The following KLC1 variants were observed in gnomAD, a reference collection of about 807,000 sequenced individuals.
KLC1 encodes kinesin light chain 1.
In KLC1, 30 loss-of-function variants were observed where a neutral mutation model predicts 84.2. The observed-to-expected ratio is 0.36, with a 90% CI of 0.27 to 0.48. The LOEUF (loss-of-function observed/expected upper bound fraction) is 0.48, where lower values mean the gene tolerates loss of function less well. Ranked by LOEUF, KLC1 falls within the 20% of genes least tolerant of loss-of-function variation. The probability of loss-of-function intolerance (pLI) is 0.99; values close to 1 mark genes in which losing one functional copy is unlikely to be tolerated. For synonymous variants in KLC1, 289 were observed against 293.3 expected (o/e 0.99, Z 0.15); for missense variants, 499 against 805.4 (o/e 0.62, Z 4.60).
At chr14:103,642,311 T>C (rs917318542) in intron 1 of KLC1, among the ~76,000 whole-genome samples, 2 of 152,088 alleles carry the variant, frequency 1.3e-5, no homozygotes, top group African/African-American at 4.8e-5. Context: ...CCCCACCTCC[T>C]AAAAGCATTA....
intron 13 of KLC1, 72 bp downstream of exon 13, chr14:103,679,617 G>A: frequency 8.7e-7 from 1 of 1,148,864 alleles, no homozygotes; most frequent in Non-Finnish European, 1.3e-6. Flanking sequence ...CCTTCCTCCT[G>A]TCTCATGTGC....
intron 6 of KLC1, among the ~76,000 whole-genome samples, 156 bp from the exon 7 acceptor site, chr14:103,670,026 G>T (rs933152953): frequency 3.9e-5 from 6 of 152,126 alleles, no homozygotes; most frequent in Admixed American, 6.6e-5. Context: ...CTATACTCTA[G>T]TGAATTGCGC....
Position 103,694,185 on chromosome 14 carries a change from C to T in KLC1, c.1848+1760C>T. 1.0e-6 allele frequency: 1 copy of T among 985,842 alleles called. No individual in the cohort carries two copies. Among genetic ancestry groups the T allele is most frequent in the Non-Finnish European group, 1.2e-6 (1 of 830,250 alleles). 61.1% of individuals were successfully genotyped at this position (985,842 alleles called of 1,614,324 possible). A position where few individuals can be genotyped will look rare whatever the true frequency, so the allele number is the denominator to read the frequency against. On this transcript the variant is annotated intron_variant, in intron 15 of 16. Transcript: ENST00000334553. This position sits in a 1 kb window ranked among gnomAD's most constrained non-coding sequence, Gnocchi z 4.5. ...ATGCCTGTGGCCCTGGGGCCCCATGCCCCCTTTTGAGCTGTGTTCTCCCGG... is the reference window on the plus strand; with the variant it reads ...ATGCCTGTGGCCCTGGGGCCCCATGTCCCCTTTTGAGCTGTGTTCTCCCGG...
At chr14:103,658,753 G>A (rs896772940) in intron 3 of KLC1, among the ~76,000 whole-genome samples, 1 of 150,474 alleles carries the variant, frequency 6.6e-6, no homozygotes, top group East Asian at 2.0e-4. Context: ...CACCTCCCGG[G>A]CTCCAGCGAT....
intron 5 of KLC1, among the ~76,000 whole-genome samples, chr14:103,668,189 A>T (rs1260100549): frequency 6.6e-6 from 1 of 152,252 alleles, no homozygotes; most frequent in Non-Finnish European, 1.5e-5. Context: ...AAAGCCATGT[A>T]GCCATTAACT....
chr14:103,665,442 G>A (rs2079690223), intron 5 of KLC1, among the ~76,000 whole-genome samples: 1 of 151,956 alleles, frequency 6.6e-6, no homozygotes, highest in South Asian at 2.1e-4. Flanking sequence ...GTCCTGTCCT[G>A]TCTTGTGTCT....
chr14:103,660,615 C>T (rs897639909), intron 3 of KLC1, among the ~76,000 whole-genome samples: 3 of 151,934 alleles, frequency 2.0e-5, no homozygotes, highest in East Asian at 1.9e-4. Flanking sequence ...ATAGCAAAAC[C>T]CCTTCTCTAT....
intron 1 of KLC1, among the ~76,000 whole-genome samples, chr14:103,633,260 C>T (rs1163620010): frequency 6.6e-6 from 1 of 151,954 alleles, no homozygotes; most frequent in Admixed American, 6.6e-5. Context: ...GGTTTCACCA[C>T]GTTAGCCAGG....
chr14:103,678,855 A>T (rs1236082929), intron 12 of KLC1, among the ~76,000 whole-genome samples: 1 of 152,362 alleles, frequency 6.6e-6, no homozygotes, highest in South Asian at 2.1e-4. Context: ...TGATATACAG[A>T]TAGCCAACAA....
chr14:103,637,917 C>G (rs2077173261), intron 1 of KLC1, among the ~76,000 whole-genome samples: 1 of 152,118 alleles, frequency 6.6e-6, no homozygotes, highest in South Asian at 2.1e-4. Flanking sequence ...TCTTTAACTT[C>G]TGGGCTCAAA....
intron 1 of KLC1, among the ~76,000 whole-genome samples, chr14:103,631,746 C>CA (rs1052300958): frequency 1.3e-5 from 2 of 151,970 alleles, no homozygotes; most frequent in African/African-American, 2.4e-5. Context: ...TACAGGTGCC[C>CA]ACTACCACAC....
intron 1 of KLC1, among the ~76,000 whole-genome samples, chr14:103,630,912 A>G (rs1259899427): frequency 1.3e-5 from 2 of 152,136 alleles, no homozygotes; most frequent in Non-Finnish European, 2.9e-5. Context: ...CCCAGGTGGT[A>G]ACCTCTAACC....
chr14:103,687,233 C>T, intron 14 of KLC1, 22 bp downstream of exon 14: 3 of 1,524,194 alleles, frequency 2.0e-6, no homozygotes, highest in Non-Finnish European at 2.7e-6. Context: ...TTCCAGCTCT[C>T]CCGACTCCCT....
At position 103,693,949 on chromosome 14, in the gene KLC1, C is replaced by G; in HGVS notation, c.1848+1524C>G. On this transcript the variant is annotated intron_variant, in intron 15 of 16. Transcript: ENST00000334553. This position sits in a 1 kb window ranked among gnomAD's most constrained non-coding sequence, Gnocchi z 5.1. ...TGCTGTTGCATTTCCTGCCTGCCAC[C>G]TTTTTGCCATGACACCAGACTCTCT... The G allele has an allele frequency of 8.3e-6, 10 of 1,209,016 alleles. No individual in the cohort carries two copies. Among genetic ancestry groups the G allele is most frequent in the Non-Finnish European group, 1.0e-5 (10 of 968,878 alleles). 74.9% of individuals were successfully genotyped at this position (1,209,016 alleles called of 1,614,324 possible).
At chr14:103,679,710 T>C in intron 13 of KLC1, 165 bp downstream of exon 13, 1 of 568,660 alleles carries the variant, frequency 1.8e-6, no homozygotes, top group Non-Finnish European at 3.1e-6. Context: ...AGTCTGTTAT[T>C]TGTTTAAAGT....
intron 3 of KLC1, among the ~76,000 whole-genome samples, chr14:103,658,823 A>G (rs1231382423): frequency 1.3e-5 from 2 of 149,402 alleles, no homozygotes; most frequent in African/African-American, 4.9e-5. Flanking sequence ...ACGCCTGGCC[A>G]ATTTTTTGTA....
At chr14:103,696,140 T>A in intron 15 of KLC1, 1 of 935,606 alleles carries the variant, frequency 1.1e-6, no homozygotes. Context: ...GCAGCGCCCG[T>A]CCCCAGCAAC....
At position 103,700,648 on chromosome 14, in the gene KLC1, T is replaced by A; in HGVS notation, c.1849-7T>A. 1.2e-6 allele frequency: 2 copies of A among 1,605,688 alleles called. No individual in the cohort carries two copies. The highest frequency in any genetic ancestry group is 1.7e-6 in the Non-Finnish European group (2 of 1,176,952). On this transcript the variant is annotated splice_region_variant and splice_polypyrimidine_tract_variant and intron_variant, in intron 15 of 16. Transcript: ENST00000334553. ...CTGAGTGAAACTCGTCTGTGCTTCA[T>A]CTCCAGGGCGTCTCTGGCCGAGCCT...
intron 1 of KLC1, among the ~76,000 whole-genome samples, chr14:103,641,935 T>C (rs2077523773): frequency 1.3e-5 from 2 of 151,134 alleles, no homozygotes; most frequent in South Asian, 4.2e-4. Flanking sequence ...GTTCCCTTTA[T>C]TTTTTATTTT....
Sources: gnomAD v4.1 joint callset for allele counts (sites outside exome capture counted in the v4.1 genomes callset) on GRCh38, gnomAD v4.1.1 for gene constraint, Gnocchi (gnomAD v3.1) non-coding constraint, MANE v1.5 for transcripts, NCBI Gene and HGNC (gene_info 2026-07-23, HGNC 2026-07-21) for gene names.